BCAS3: variants seen among roughly 807,000 people sequenced by gnomAD.
BCAS3 encodes BCAS4/BCAS3 fusion.
A neutral mutation model predicts 116.1 loss-of-function variants in BCAS3; 53 were observed. The ratio of observed to expected loss-of-function variants is 0.46; its 90% CI spans 0.37 to 0.57. BCAS3 has a LOEUF of 0.57. BCAS3 is among the 20% of genes least tolerant of loss of function. BCAS3 has a pLI of 0.00. For missense variants in BCAS3, 917 were observed against 1,165.4 expected (o/e 0.79, Z 3.10); for synonymous variants, 391 against 408.2 (o/e 0.96, Z 0.51).
intron 6 of BCAS3, among the ~76,000 whole-genome samples, chr17:60,751,700 A>G (rs1384231744): frequency 1.3e-5 from 2 of 151,770 alleles, no homozygotes. Context: ...GTGCCACCAC[A>G]CCCGACTAGT....
At position 60,960,333 on chromosome 17, in the gene BCAS3, G is replaced by T. The variant is rs1041778863; in HGVS notation, c.1221+12981G>T. On this transcript the variant is annotated intron_variant, in intron 14 of 23. Coordinates refer to ENST00000407086, the MANE Select transcript of BCAS3 (RefSeq NM_017679.5). This position sits in a 1 kb window ranked among gnomAD's most constrained non-coding sequence, Gnocchi z 4.1. ...AATCATCTGACTCTGGTATGGTTGA[G>T]ACTCTGGAATTTATCCTAGGGCAAA... Among the ~76,000 whole-genome samples, 22 of 152,128 alleles carry T rather than the reference G, an allele frequency of 1.4e-4. No homozygotes were observed. Among genetic ancestry groups the T allele is most frequent in the Admixed American group, 5.2e-4 (8 of 15,278 alleles).
chr17:60,696,915 G>A lies in BCAS3; in HGVS notation c.214+7154G>A, dbSNP rs111650376. ...AAAAATGACTTGAAAGGCTGGGCGCGGTGGCTCATGCCTGTAATCCCAGGA... is the reference window on the plus strand; with the variant it reads ...AAAAATGACTTGAAAGGCTGGGCGCAGTGGCTCATGCCTGTAATCCCAGGA... On this transcript the variant is annotated intron_variant, in intron 4 of 23. Transcript: ENST00000407086. 3.7e-3 allele frequency among the ~76,000 whole-genome samples: 563 copies of A among 152,012 alleles called. 8 individuals carry two copies. Among genetic ancestry groups the A allele is most frequent in the African/African-American group, 0.013 (525 of 41,492 alleles).
chr17:60,895,079 A>C (rs2057418805), intron 10 of BCAS3, among the ~76,000 whole-genome samples: 1 of 152,108 alleles, frequency 6.6e-6, no homozygotes, highest in South Asian at 2.1e-4. Context: ...GGCTTCATAG[A>C]ATGAGTTAGG....
At chr17:60,872,654 A>G (rs1315282390) in intron 8 of BCAS3, among the ~76,000 whole-genome samples, 2 of 151,172 alleles carry the variant, frequency 1.3e-5, no homozygotes, top group Non-Finnish European at 3.0e-5. Context: ...CCCGATATCT[A>G]TCTGTATGTA....
At chr17:61,022,244 G>C (rs1164190077) in intron 16 of BCAS3, among the ~76,000 whole-genome samples, 2 of 151,864 alleles carry the variant, frequency 1.3e-5, no homozygotes, top group African/African-American at 4.8e-5. Flanking sequence ...TTTTTTGTTT[G>C]TTTGTTTGTT....
Position 61,208,006 on chromosome 17 carries a change from C to T in BCAS3, c.2425+123442C>T, listed in dbSNP as rs2081245761. On this transcript the variant is annotated intron_variant, in intron 22 of 23. Transcript: ENST00000407086. The surrounding 1 kb of genome is among the most constrained non-coding windows in gnomAD (Gnocchi z 4.5). ...ATTAGAGGGGAAAATTACTATTAGTCTTTTATATGGAAATAACAAAAAACT... is the reference window on the plus strand; with the variant it reads ...ATTAGAGGGGAAAATTACTATTAGTTTTTTATATGGAAATAACAAAAAACT... Among the ~76,000 whole-genome samples the T allele has an allele frequency of 6.6e-6, 1 of 152,012 alleles. No homozygotes were observed. Among genetic ancestry groups the T allele is most frequent in the South Asian group, 2.1e-4 (1 of 4,822 alleles).
chr17:61,388,527 C>A lies in BCAS3; in HGVS notation c.2594-3450C>A. ...CGGTGTGCCCCTGCGCCTCCTGACACCTCTCCACCTGCTTGCAGAGATCAG... is the reference window on the plus strand; with the variant it reads ...CGGTGTGCCCCTGCGCCTCCTGACAACTCTCCACCTGCTTGCAGAGATCAG... On this transcript the variant is annotated intron_variant, in intron 23 of 23. Transcript: ENST00000407086. This position sits in a 1 kb window ranked among gnomAD's most constrained non-coding sequence, Gnocchi z 6.5. 2 of 1,296,304 alleles carry A rather than the reference C, an allele frequency of 1.5e-6. No homozygotes were observed. The highest frequency in any genetic ancestry group is 2.1e-6 in the Non-Finnish European group (2 of 946,124). 80.3% of individuals were successfully genotyped at this position (1,296,304 alleles called of 1,614,324 possible).
intron 13 of BCAS3, among the ~76,000 whole-genome samples, chr17:60,939,828 A>T (rs2060129891): frequency 6.6e-6 from 1 of 152,222 alleles, no homozygotes; most frequent in African/African-American, 2.4e-5. Flanking sequence ...TAAAGGTTAA[A>T]GTTTTAAAAA....
At chr17:60,717,944 G>A (rs528503999) in intron 5 of BCAS3, among the ~76,000 whole-genome samples, 220 of 152,284 alleles carry the variant, frequency 1.4e-3, no homozygotes, top group African/African-American at 5.1e-3. Flanking sequence ...CCCATGTGTG[G>A]GTGATGGGAA....
chr17:60,698,937 A>G (rs1047332358), intron 4 of BCAS3, among the ~76,000 whole-genome samples: 4 of 152,122 alleles, frequency 2.6e-5, no homozygotes, highest in African/African-American at 7.2e-5. Context: ...GGCATCTGTA[A>G]TCCCAGCTGC....
chr17:61,320,601 G>A (rs148654812), intron 22 of BCAS3, among the ~76,000 whole-genome samples: 6 of 151,894 alleles, frequency 4.0e-5, no homozygotes, highest in East Asian at 3.9e-4. Context: ...GCATGAACCC[G>A]GGAGGCGGAG....
At chr17:60,841,255 G>T (rs557854732) in intron 7 of BCAS3, among the ~76,000 whole-genome samples, 1 of 152,014 alleles carries the variant, frequency 6.6e-6, no homozygotes, top group Admixed American at 6.6e-5. Context: ...ACCCTTCTGC[G>T]TCTTTGAGGT....
chr17:60,808,327 C>T (rs1478817967), intron 7 of BCAS3, among the ~76,000 whole-genome samples: 1 of 152,132 alleles, frequency 6.6e-6, no homozygotes, highest in Non-Finnish European at 1.5e-5. Context: ...ATACTGTGAA[C>T]AAATACAAAT....
chr17:61,369,062 C>A (rs752824254), intron 23 of BCAS3, among the ~76,000 whole-genome samples: 7 of 152,170 alleles, frequency 4.6e-5, no homozygotes, highest in Non-Finnish European at 8.8e-5. Flanking sequence ...GAGCCCTGGC[C>A]CAGGCAAGTG....
At chr17:61,069,307 G>C (rs1874508422) in intron 19 of BCAS3, among the ~76,000 whole-genome samples, 1 of 152,092 alleles carries the variant, frequency 6.6e-6, no homozygotes, top group South Asian at 2.1e-4. Context: ...AACTAAATTT[G>C]ATAGTGATGA....
At chr17:60,841,671 C>T (rs887319072) in intron 7 of BCAS3, among the ~76,000 whole-genome samples, 4 of 151,510 alleles carry the variant, frequency 2.6e-5, no homozygotes, top group Admixed American at 1.3e-4. Context: ...TGAGCCATTG[C>T]GCATGGCCTA....
chr17:61,202,283 A>G (rs1216087406), intron 22 of BCAS3, among the ~76,000 whole-genome samples: 5 of 151,306 alleles, frequency 3.3e-5, no homozygotes, highest in Admixed American at 2.6e-4. Flanking sequence ...GACTACAGGC[A>G]CCCAAAAAGG....
In BCAS3 at chr17:61,073,984, C is replaced by T. The variant is rs1349735259; in HGVS notation, c.2030-936C>T. On this transcript the variant is annotated intron_variant, in intron 19 of 23. Coordinates refer to ENST00000407086, the MANE Select transcript of BCAS3 (RefSeq NM_017679.5). The surrounding 1 kb of genome is among the most constrained non-coding windows in gnomAD (Gnocchi z 4.6). ...TTGGGCAGGCATTGGTAGCTCATGCCTGTAGTCTCAGCTACTTATTAGACT... is the reference window on the plus strand; with the variant it reads ...TTGGGCAGGCATTGGTAGCTCATGCTTGTAGTCTCAGCTACTTATTAGACT... Among the ~76,000 whole-genome samples, 1 of 151,852 alleles carries T rather than the reference C, an allele frequency of 6.6e-6. No homozygotes were observed. The highest frequency in any genetic ancestry group is 1.5e-5 in the Non-Finnish European group (1 of 67,972).
chr17:61,271,773 ACATGTAGTTAAC>A (rs1214203156), intron 22 of BCAS3, among the ~76,000 whole-genome samples: 9 of 151,798 alleles, frequency 5.9e-5, no homozygotes, highest in Non-Finnish European at 1.3e-4. Context: ...TTATTCTTTC[ACATGTAGTTAAC>A]CAGTTTTCCT....
Sources: gnomAD v4.1 joint callset for allele counts (sites outside exome capture counted in the v4.1 genomes callset) on GRCh38, gnomAD v4.1.1 for gene constraint, Gnocchi (gnomAD v3.1) non-coding constraint, MANE v1.5 for transcripts, NCBI Gene and HGNC (gene_info 2026-07-23, HGNC 2026-07-21) for gene names.